The following CEP41 variants were observed in gnomAD, a reference collection of about 807,000 sequenced individuals.
CEP41 encodes centrosomal protein 41.
A neutral mutation model predicts 44.3 loss-of-function variants in CEP41; 32 were observed. The observed-to-expected ratio is 0.72, with a 90% CI of 0.54 to 0.97. The LOEUF (loss-of-function observed/expected upper bound fraction) is 0.97, where lower values mean the gene tolerates loss of function less well. Among genes scored for constraint, CEP41 ranks in the 50% least tolerant of loss-of-function variants. The pLI, the probability that CEP41 is intolerant of heterozygous loss-of-function variation, is 0.00. For missense variants in CEP41, 432 were observed against 455.2 expected, an observed-to-expected ratio of 0.95 and a Z score of 0.46; for synonymous variants, 151 against 168.5, an observed-to-expected ratio of 0.90 and a Z score of 0.80.
At chr7:130,412,470 C>T (rs1554420036) in intron 3 of CEP41, among the ~76,000 whole-genome samples, 2 of 152,148 alleles carry the variant, frequency 1.3e-5, no homozygotes, top group East Asian at 1.9e-4. Flanking sequence ...TTATAAGCTA[C>T]CTTTGGTCTA....
intron 2 of CEP41, among the ~76,000 whole-genome samples, chr7:130,423,799 G>A (rs892618558): frequency 6.6e-6 from 1 of 152,158 alleles, no homozygotes; most frequent in East Asian, 1.9e-4. Flanking sequence ...ATGAAGAACC[G>A]ACACATACTA....
intron 1 of CEP41, among the ~76,000 whole-genome samples, chr7:130,438,447 T>C (rs1798041525): frequency 1.3e-5 from 2 of 152,214 alleles, no homozygotes; most frequent in South Asian, 4.2e-4. Context: ...TAGTCTCAGC[T>C]ACCCAGGAAG....
rs1584889008 is a variant in CEP41, at chr7:130,417,060, T to C, written c.98-94A>G. Reference sequence around the variant, plus strand: ...AATGGAGGAAAAGTATCCCCTAAGCTTTCCTATCCTGTTCTTAGGGGATTC... The same window carrying C: ...AATGGAGGAAAAGTATCCCCTAAGCCTTCCTATCCTGTTCTTAGGGGATTC... On this transcript the variant is annotated intron_variant, in intron 2 of 10. Transcript: ENST00000223208. 10 of 1,355,100 alleles carry C rather than the reference T, an allele frequency of 7.4e-6. No homozygotes were observed. In the East Asian group the frequency reaches 1.6e-4, roughly 22 times the overall value. The allele number at this position is 1,355,100 out of a possible 1,614,324, so 83.9% of individuals were successfully genotyped here. A position where few individuals can be genotyped will look rare whatever the true frequency, so the allele number is the denominator to read the frequency against.
chr7:130,394,330 C>G lies in CEP41; in HGVS notation c.*4561G>C, dbSNP rs1554413660. On this transcript the variant is annotated 3_prime_UTR_variant, in exon 11 of 11. Transcript: ENST00000223208. Reference sequence around the variant, plus strand: ...GTCTCCTCATCTGAAAATGGGGGTGCCTGCCTCATCAGACTGTTGTGGAAA... The same window carrying G: ...GTCTCCTCATCTGAAAATGGGGGTGGCTGCCTCATCAGACTGTTGTGGAAA... 1 of 454,010 alleles carries G rather than the reference C, an allele frequency of 2.2e-6. No individual in the cohort carries two copies. Among genetic ancestry groups the G allele is most frequent in the South Asian group, 1.6e-5 (1 of 64,478 alleles). The allele number at this position is 454,010 out of a possible 1,614,324, so 28.1% of individuals were successfully genotyped here. A position where few individuals can be genotyped will look rare whatever the true frequency, so the allele number is the denominator to read the frequency against.
intron 2 of CEP41, 109 bp from the exon 3 acceptor site, chr7:130,417,075 T>C: frequency 7.3e-7 from 1 of 1,370,484 alleles, no homozygotes. Context: ...TATCCTGTTC[T>C]TAGGGGATTC....
intron 5 of CEP41, 36 bp downstream of exon 5, chr7:130,411,086 G>A (rs1797168565): frequency 6.4e-7 from 1 of 1,572,464 alleles, no homozygotes; most frequent in South Asian, 1.1e-5. Context: ...CAAATGGTCA[G>A]CCTGTTATTT....
At chr7:130,414,177 A>G (rs999542339) in intron 3 of CEP41, among the ~76,000 whole-genome samples, 19 of 152,240 alleles carry the variant, frequency 1.2e-4, no homozygotes, top group Admixed American at 1.2e-3. Context: ...CTGTTCTAAA[A>G]TGTCTTAAAG....
chr7:130,401,777 A>T (rs1385474711), intron 8 of CEP41, 104 bp downstream of exon 8: 1 of 784,288 alleles, frequency 1.3e-6, no homozygotes, highest in African/African-American at 1.7e-5. Flanking sequence ...GCCAAATAAT[A>T]TCAAAGGTCC....
In CEP41 at chr7:130,420,076, C is replaced by T. The variant is rs140419426; in HGVS notation, c.98-3110G>A. The T allele has an allele frequency of 1.1e-4, 110 of 984,956 alleles. 1 individual carries two copies. The East Asian group carries it at 1.4e-3, about 12-fold the overall frequency. The allele number at this position is 984,956 out of a possible 1,614,324, so 61.0% of individuals were successfully genotyped here. On this transcript the variant is annotated intron_variant, in intron 2 of 10. Transcript: ENST00000223208. Reference sequence around the variant, plus strand: ...CTGGATCATGCCTGCAATCCCAGCACGTTGGGAGGCTGAGGAGGCAGGATT... The same window carrying T: ...CTGGATCATGCCTGCAATCCCAGCATGTTGGGAGGCTGAGGAGGCAGGATT...
Position 130,394,024 on chromosome 7 carries a change from C to T in CEP41, c.*4867G>A, listed in dbSNP as rs1382800860. 5 of 453,910 alleles carry T rather than the reference C, an allele frequency of 1.1e-5. No individual in the cohort carries two copies. The highest frequency in any genetic ancestry group is 1.8e-5 in the Non-Finnish European group (4 of 226,792). 28.1% of individuals were successfully genotyped at this position (453,910 alleles called of 1,614,324 possible). ...GATGTTTCAGTTCCTGAATTTCCAT[C>T]GCCTTTTGTGCAGGCAAGCGGAGGA... is the stretch of plus-strand genomic sequence containing the variant. On this transcript the variant is annotated 3_prime_UTR_variant, in exon 11 of 11. Coordinates refer to ENST00000223208, the MANE Select transcript of CEP41 (RefSeq NM_018718.3).
chr7:130,411,042 A>G (rs1191926777), intron 5 of CEP41, 80 bp downstream of exon 5: 2 of 1,238,110 alleles, frequency 1.6e-6, no homozygotes, highest in Admixed American at 3.4e-5. Flanking sequence ...CCCTGGGAAC[A>G]GACAGCAAAT....
intron 1 of CEP41, 175 bp downstream of exon 1, chr7:130,440,759 C>T (rs1050095492): frequency 1.2e-4 from 86 of 720,600 alleles, no homozygotes; most frequent in Middle Eastern, 3.9e-4. Context: ...GTCCTGAACG[C>T]TGCCCCGCGG....
intron 1 of CEP41, among the ~76,000 whole-genome samples, chr7:130,433,791 C>T (rs1554425625): frequency 6.6e-6 from 1 of 152,206 alleles, no homozygotes; most frequent in Non-Finnish European, 1.5e-5. Flanking sequence ...CTTACTCCTG[C>T]ACTTGGGACA....
At chr7:130,408,814 T>G (rs1343999056) in intron 5 of CEP41, among the ~76,000 whole-genome samples, 1 of 152,068 alleles carries the variant, frequency 6.6e-6, no homozygotes, top group East Asian at 1.9e-4. Flanking sequence ...CAGAAAAAAC[T>G]GTAATGCCCA....
intron 10 of CEP41, 100 bp from the exon 11 acceptor site, chr7:130,399,139 C>CT: frequency 6.9e-7 from 1 of 1,458,874 alleles, no homozygotes; most frequent in Non-Finnish European, 9.5e-7. Context: ...CCTACAACCA[C>CT]TTTTAAGCTA....
At chr7:130,441,040 A>G, upstream of CEP41, 1 of 1,530,522 alleles carries the variant, frequency 6.5e-7, no homozygotes, top group Non-Finnish European at 9.0e-7. Flanking sequence ...TACCCCCACA[A>G]CCTTGTTCAG....
At chr7:130,430,383 A>G (rs1797788561) in intron 1 of CEP41, among the ~76,000 whole-genome samples, 1 of 151,924 alleles carries the variant, frequency 6.6e-6, no homozygotes. Flanking sequence ...TCACATCTTT[A>G]TCACCAACTC....
intron 7 of CEP41, 41 bp downstream of exon 7, chr7:130,402,607 G>A (rs199952406): frequency 5.2e-5 from 84 of 1,611,090 alleles, no homozygotes; most frequent in Non-Finnish European, 6.7e-5. Flanking sequence ...CAGGCTCTCT[G>A]TTCTTGAGAG....
chr7:130,410,782 T>G, intron 5 of CEP41: 1 of 358,376 alleles, frequency 2.8e-6, no homozygotes, highest in Non-Finnish European at 5.3e-6. Context: ...GTCAATTTCA[T>G]GTAAGCAGAG....
Sources: allele counts gnomAD v4.1 joint callset (sites outside exome capture counted in the v4.1 genomes callset), GRCh38; gene constraint gnomAD v4.1.1; transcripts MANE v1.5; gene names NCBI Gene and HGNC (gene_info 2026-07-23, HGNC 2026-07-21).